Variants in CAPN14 observed in about 807,000 individuals in gnomAD.
CAPN14 encodes the protein calpain-14.
CAPN14 carries 94 observed loss-of-function variants against 101.3 expected under a neutral mutation model. The ratio of observed to expected loss-of-function variants is 0.93; its 90% confidence interval spans 0.79 to 1.10. CAPN14 has a LOEUF of 1.10. Among genes scored for constraint, CAPN14 ranks in the 50% least tolerant of loss-of-function variants. The pLI, the probability that CAPN14 is intolerant of heterozygous loss-of-function variation, is 0.00. For missense variants in CAPN14, 837 were observed against 828.4 expected, an observed-to-expected ratio of 1.01 and a Z score of -0.13; for synonymous variants, 338 against 317.9, an observed-to-expected ratio of 1.06 and a Z score of -0.67.
chr2:31,207,802 T>C (rs1256652481), intron 1 of CAPN14, among the ~76,000 whole-genome samples: 1 of 152,140 alleles, frequency 6.6e-6, no homozygotes, highest in Non-Finnish European at 1.5e-5. Flanking sequence ...TTAAATTAAA[T>C]TTAAATTATT....
chr2:31,212,316 A>C lies in CAPN14; in HGVS notation c.-53+5140T>G, dbSNP rs529756475. On this transcript the variant is annotated intron_variant, in intron 1 of 21. Coordinates refer to ENST00000403897, the MANE Select transcript of CAPN14 (RefSeq NM_001145122.2). ...CAGAATAAGACCGTCTCAAAACAAA[A>C]AAAAAAAAAAACAAAAAAAACACAA... is the stretch of plus-strand genomic sequence containing the variant. Among the ~76,000 whole-genome samples, 1,159 of 140,546 alleles carry C rather than the reference A, an allele frequency of 8.2e-3. 10 individuals carry two copies. Among genetic ancestry groups the C allele is most frequent in the East Asian group, 0.014 (72 of 5,162 alleles). The allele number at this position is 140,546 out of a possible 152,430, so 92.2% of individuals were successfully genotyped here. A position where few individuals can be genotyped will look rare whatever the true frequency, so the allele number is the denominator to read the frequency against.
Position 31,177,129 on chromosome 2 carries a change from A to G in CAPN14, c.1869T>C (p.Ser623=), listed in dbSNP as rs370497124. 15 of 1,550,464 alleles carry G rather than the reference A, an allele frequency of 9.7e-6. No homozygotes were observed. Among genetic ancestry groups the G allele is most frequent in the African/African-American group, 1.4e-5 (1 of 73,038 alleles). The change falls in exon 20 of 22, where the codon AGT becomes AGC. Residue 623 remains serine, a synonymous_variant. Transcript: ENST00000403897. ...AAMREAGIML[S]DDVCQLMLIR... is the part of the protein sequence containing the mutation. ...TGAGCATCAGCTGACAGACGTCATC[A>G]CTGAGCATGATTCCTGCATTGAGCA... is the stretch of plus-strand genomic sequence containing the variant.
rs57748606 is a variant in CAPN14, at chr2:31,216,769, G to A, written c.-53+687C>T. Among the ~76,000 whole-genome samples, 534 of 152,214 alleles carry A rather than the reference G, an allele frequency of 3.5e-3. 1 individual carries two copies. Among genetic ancestry groups the A allele is most frequent in the African/African-American group, 0.012 (501 of 41,546 alleles). On this transcript the variant is annotated intron_variant, in intron 1 of 21. Coordinates refer to ENST00000403897, the MANE Select transcript of CAPN14 (RefSeq NM_001145122.2). ...CTCTGGAGTCCTCCAGAGCTTTGAG[G>A]AGTGATTTCCAGTGCCCATAGGCCA...
chr2:31,185,794 T>C (rs890601255), intron 16 of CAPN14, among the ~76,000 whole-genome samples: 6 of 152,246 alleles, frequency 3.9e-5, no homozygotes, highest in Non-Finnish European at 8.8e-5. Flanking sequence ...TGGCAGCAAA[T>C]ACTCTGGTTG....
chr2:31,219,213 G>T (rs1301491941), upstream of CAPN14, among the ~76,000 whole-genome samples: 2 of 152,146 alleles, frequency 1.3e-5, no homozygotes, highest in African/African-American at 4.8e-5. Flanking sequence ...GAGACGCATA[G>T]GGTAAGGCCC....
upstream of CAPN14, among the ~76,000 whole-genome samples, chr2:31,222,345 C>G (rs1682884734): frequency 6.6e-6 from 1 of 152,142 alleles, no homozygotes; most frequent in Admixed American, 6.5e-5. Context: ...GAACACATAG[C>G]AACCTTCACT....
chr2:31,225,331 G>T (rs552874289), intron 2 of CAPN14, among the ~76,000 whole-genome samples: 9 of 151,760 alleles, frequency 5.9e-5, no homozygotes, highest in African/African-American at 2.2e-4. Context: ...TTAATAAAAT[G>T]AAAATATTTT....
intron 2 of CAPN14, 55 bp downstream of exon 2, chr2:31,205,168 C>T: frequency 1.4e-6 from 2 of 1,469,714 alleles, no homozygotes; most frequent in Non-Finnish European, 1.9e-6. Flanking sequence ...GGCGCAGTAT[C>T]TGAAAGCCCT....
In CAPN14 at chr2:31,174,169, C is replaced by T. The variant is rs375488828; in HGVS notation, c.*512G>A. 2 of 169,140 alleles carry T rather than the reference C, an allele frequency of 1.2e-5. No individual in the cohort carries two copies. Among genetic ancestry groups the T allele is most frequent in the African/African-American group, 2.4e-5 (1 of 41,614 alleles). 10.5% of individuals were successfully genotyped at this position (169,140 alleles called of 1,614,324 possible). A position where few individuals can be genotyped will look rare whatever the true frequency, so the allele number is the denominator to read the frequency against. ...TGTGTTTCTGAAAGCCCACTATATC[C>T]CTGACCCCATCCCCAAACAGCTGAA... On this transcript the variant is annotated 3_prime_UTR_variant, in exon 22 of 22. Coordinates refer to ENST00000403897, the MANE Select transcript of CAPN14 (RefSeq NM_001145122.2).
Position 31,201,905 on chromosome 2 carries a change from T to C in CAPN14, c.508A>G (p.Lys170Glu), listed in dbSNP as rs907664814. Residue 170 changes from lysine (K) to glutamate (E), a missense_variant, in exon 5 of 22, where the codon AAG (lysine) becomes GAG (glutamate). Physicochemically the swap from Lys to Glu is moderately conservative, Grantham distance 56. Transcript: ENST00000403897. ...AGAAGTGCTCCCCAGAACAAGTTCT[T>C]ATAGGTGGAGGAGACAAAGACCAGC... The part of the protein sequence containing the change: ...GQLVFVSSTY[K>E]NLFWGALLEK... The C allele has an allele frequency of 1.5e-5, 24 of 1,551,648 alleles. No homozygotes were observed. In the East Asian group the frequency reaches 2.2e-4, roughly 14 times the overall value.
At chr2:31,181,287 G>A (rs1018798738) in intron 16 of CAPN14, among the ~76,000 whole-genome samples, 6 of 152,080 alleles carry the variant, frequency 3.9e-5, no homozygotes, top group African/African-American at 1.4e-4. Flanking sequence ...GGATCATAGA[G>A]TCAAACTCCC....
At chr2:31,223,856 T>C (rs940223486) in intron 2 of CAPN14, among the ~76,000 whole-genome samples, 1 of 152,174 alleles carries the variant, frequency 6.6e-6, no homozygotes, top group Non-Finnish European at 1.5e-5. Context: ...GGGAGAATAA[T>C]GACATTTTGA....
At chr2:31,214,561 G>T (rs1404785677) in intron 1 of CAPN14, among the ~76,000 whole-genome samples, 3 of 152,144 alleles carry the variant, frequency 2.0e-5, no homozygotes, top group African/African-American at 7.2e-5. Flanking sequence ...GAAGCGGCAG[G>T]AAGTCCCTTA....
At chr2:31,188,420 CT>C (rs1572400485) in intron 13 of CAPN14, 66 bp from the exon 14 acceptor site, 1 of 1,442,164 alleles carries the variant, frequency 6.9e-7, no homozygotes, top group East Asian at 2.5e-5. Flanking sequence ...CAATCTTCCC[CT>C]TCTCCTGGGA....
intron 1 of CAPN14, among the ~76,000 whole-genome samples, chr2:31,229,201 C>A (rs1683112648): frequency 6.6e-6 from 1 of 152,036 alleles, no homozygotes. Context: ...GGAGAAGGGG[C>A]AGGAGACAGG....
chr2:31,174,556 A>C lies in CAPN14; in HGVS notation c.*125T>G. The C allele has an allele frequency of 1.0e-6, 1 of 957,390 alleles. No individual in the cohort carries two copies. Among genetic ancestry groups the C allele is most frequent in the Non-Finnish European group, 1.6e-6 (1 of 622,746 alleles). The allele number at this position is 957,390 out of a possible 1,614,324, so 59.3% of individuals were successfully genotyped here. On this transcript the variant is annotated 3_prime_UTR_variant, in exon 22 of 22. Coordinates refer to ENST00000403897, the MANE Select transcript of CAPN14 (RefSeq NM_001145122.2). The stretch of plus-strand genomic sequence containing the variant: ...AGAAGAGAAACCTTCCCAGCTGAGA[A>C]GGTGACGGCTAGTGAGGCTGTCCTG...
chr2:31,176,744 A>C, intron 20 of CAPN14, 102 bp from the exon 21 acceptor site: 1 of 1,077,898 alleles, frequency 9.3e-7, no homozygotes, highest in Admixed American at 2.0e-5. Flanking sequence ...CCATTCTGAA[A>C]ACGTGAGGGA....
chr2:31,200,423 C>A (rs748931104), intron 6 of CAPN14, 28 bp downstream of exon 6: 1 of 1,536,852 alleles, frequency 6.5e-7, no homozygotes. Flanking sequence ...GAGAAGAGGA[C>A]ATTCTGCCAG....
intron 1 of CAPN14, among the ~76,000 whole-genome samples, chr2:31,212,987 A>C (rs894320933): frequency 6.6e-6 from 1 of 152,224 alleles, no homozygotes; most frequent in African/African-American, 2.4e-5. Flanking sequence ...TACATGATAA[A>C]AAGCACCAGA....
Sources: gnomAD v4.1 joint callset for allele counts (sites outside exome capture counted in the v4.1 genomes callset) on GRCh38, gnomAD v4.1.1 for gene constraint, MANE v1.5 for transcripts, NCBI Gene and HGNC (gene_info 2026-07-23, HGNC 2026-07-21) for gene names.